The following AHCTF1 variants were observed in gnomAD, a reference collection of about 807,000 sequenced individuals.
AHCTF1 encodes protein ELYS.
Under a neutral mutation model 248.4 loss-of-function variants are expected in AHCTF1, and 24 were observed. That is an observed-to-expected ratio of 0.10 (90% CI 0.07 to 0.14). The LOEUF (loss-of-function observed/expected upper bound fraction) is 0.14. Ranked by LOEUF, AHCTF1 falls within the 10% of genes least tolerant of loss-of-function variation. The pLI, the probability that AHCTF1 is intolerant of heterozygous loss-of-function variation, is 1.00. For missense variants in AHCTF1, 2,206 were observed against 2,636.2 expected, an observed-to-expected ratio of 0.84 and a Z score of 3.57; for synonymous variants, 786 against 929.8, an observed-to-expected ratio of 0.85 and a Z score of 2.81.
intron 33 of AHCTF1, among the ~76,000 whole-genome samples, chr1:246,846,096 T>C (rs1015987068): frequency 6.7e-6 from 1 of 148,876 alleles, no homozygotes; most frequent in Non-Finnish European, 1.5e-5. Flanking sequence ...ATGAATGTCA[T>C]GTATCTAGTA....
intron 35 of AHCTF1, 32 bp downstream of exon 35, chr1:246,842,662 C>T: frequency 1.3e-6 from 2 of 1,580,056 alleles, no homozygotes; most frequent in Non-Finnish European, 1.7e-6. Flanking sequence ...CTCAATCAAT[C>T]AATCAATCAA....
rs1664226785 is a variant in AHCTF1 at position 246,891,836 on chromosome 1, T to A, written c.1888A>T (p.Asn630Tyr). The change falls in exon 15 of 36, where the codon AAT (asparagine) becomes TAT (tyrosine). Residue 630 changes from asparagine (N) to tyrosine (Y), a missense_variant. Asn to Tyr is a moderately radical substitution (Grantham distance 143). Around this residue, in one of 6 missense-constraint regions of AHCTF1, gnomAD observed 650 missense variants for 870.8 expected, o/e 0.75. Transcript: ENST00000648844. ...SIQQCYLLLS[N>Y]LNIVLSCFAS... ...AAACAGCTCAAGACTATATTAAGATTGCTAAGAAGCAAATAGCATTGCTGG... is the reference window on the plus strand; with the variant it reads ...AAACAGCTCAAGACTATATTAAGATAGCTAAGAAGCAAATAGCATTGCTGG... 6.2e-7 allele frequency: 1 copy of A among 1,608,682 alleles called. No homozygotes were observed. The highest frequency in any genetic ancestry group is 1.1e-5 in the South Asian group (1 of 90,096).
chr1:246,861,000 G>C lies in AHCTF1; in HGVS notation c.4031C>G (p.Ser1344Cys). The C allele has an allele frequency of 6.2e-7, 1 of 1,613,942 alleles. No homozygotes were observed. The highest frequency in any genetic ancestry group is 8.5e-7 in the Non-Finnish European group (1 of 1,179,866). Residue 1344 changes from serine to cysteine, a missense_variant, in exon 29 of 36, where the codon TCC becomes TGC. Physicochemically the swap from Ser to Cys is moderately radical, Grantham distance 112. Around this residue, in one of 6 missense-constraint regions of AHCTF1, gnomAD observed 955 missense variants for 1,055.6 expected, o/e 0.90. Coordinates refer to ENST00000648844, the MANE Select transcript of AHCTF1 (RefSeq NM_001323342.2). Reference sequence around the variant, plus strand: ...AGTTACATTAGTAGTTAGTGCAGTGGAAGAGCTTTTGGGCTTAGAGGCCGT... The same window carrying C: ...AGTTACATTAGTAGTTAGTGCAGTGCAAGAGCTTTTGGGCTTAGAGGCCGT... ...VFTASKPKSS[S>C]TALTTNVTEQ...
At chr1:246,922,287 G>A (rs1196155966) in intron 1 of AHCTF1, among the ~76,000 whole-genome samples, 2 of 152,206 alleles carry the variant, frequency 1.3e-5, no homozygotes, top group East Asian at 3.9e-4. Flanking sequence ...TTGAACCCAG[G>A]AGGCAGAGGT....
chr1:246,844,527 C>T (rs1242235295), intron 33 of AHCTF1, among the ~76,000 whole-genome samples: 1 of 152,020 alleles, frequency 6.6e-6, no homozygotes, highest in African/African-American at 2.4e-5. Context: ...TCAAGACTAG[C>T]CTGATCAACA....
chr1:246,864,756 C>T lies in AHCTF1; in HGVS notation c.3348-640G>A, dbSNP rs560880463. 3.3e-5 allele frequency among the ~76,000 whole-genome samples: 2 copies of T among 60,874 alleles called. 1 individual carries two copies. Among genetic ancestry groups the T allele is most frequent in the Non-Finnish European group, 4.8e-5 (2 of 41,264 alleles). 39.9% of individuals were successfully genotyped at this position (60,874 alleles called of 152,430 possible). A position where few individuals can be genotyped will look rare whatever the true frequency, so the allele number is the denominator to read the frequency against. ...TCGGGAGGCTGAGGCAGGAGAATGGCGTGAACCCGGGAAGCGGAGCTTGCA... is the reference window on the plus strand; with the variant it reads ...TCGGGAGGCTGAGGCAGGAGAATGGTGTGAACCCGGGAAGCGGAGCTTGCA... On this transcript the variant is annotated intron_variant, in intron 26 of 35. Transcript: ENST00000648844.
intron 4 of AHCTF1, among the ~76,000 whole-genome samples, chr1:246,908,939 T>C (rs1665590663): frequency 6.6e-6 from 1 of 151,110 alleles, no homozygotes; most frequent in Non-Finnish European, 1.5e-5. Flanking sequence ...ATGAAACAAT[T>C]AGCTCAAAGT....
chr1:246,856,381 C>A (rs1419710887), intron 30 of AHCTF1, among the ~76,000 whole-genome samples: 1 of 152,146 alleles, frequency 6.6e-6, no homozygotes, highest in African/African-American at 2.4e-5. Flanking sequence ...TTGAAAATTA[C>A]AACAAATAGT....
At position 246,892,025 on chromosome 1, in the gene AHCTF1, A is replaced by G; in HGVS notation, c.1805-106T>C. The G allele has an allele frequency of 5.0e-6, 6 of 1,211,482 alleles. No homozygotes were observed. In the South Asian group the frequency reaches 5.9e-5, roughly 12 times the overall value. 75.0% of individuals were successfully genotyped at this position (1,211,482 alleles called of 1,614,324 possible). On this transcript the variant is annotated intron_variant, in intron 14 of 35. Coordinates refer to ENST00000648844, the MANE Select transcript of AHCTF1 (RefSeq NM_001323342.2). ...TCCTATCACTCAAAAGAATTATTCT[A>G]TTCATTATGAGATTTATAAAGACAA...
At chr1:246,915,942 T>C (rs913782365) in intron 3 of AHCTF1, among the ~76,000 whole-genome samples, 200 bp downstream of exon 3, 2 of 152,246 alleles carry the variant, frequency 1.3e-5, no homozygotes, top group Non-Finnish European at 1.5e-5. Context: ...ACATTTTAAA[T>C]GTTAAGTTCC....
intron 13 of AHCTF1, among the ~76,000 whole-genome samples, chr1:246,894,967 C>T (rs1296326854): frequency 1.3e-5 from 2 of 151,430 alleles, no homozygotes; most frequent in African/African-American, 2.4e-5. Context: ...GTCATTTAAT[C>T]ATGAGGAGCG....
At chr1:246,898,045 G>A (rs555141999) in intron 12 of AHCTF1, among the ~76,000 whole-genome samples, 163 bp downstream of exon 12, 1 of 152,238 alleles carries the variant, frequency 6.6e-6, no homozygotes, top group South Asian at 2.1e-4. Flanking sequence ...ATTAGGAATA[G>A]GAATTTTAAA....
intron 11 of AHCTF1, among the ~76,000 whole-genome samples, 187 bp downstream of exon 11, chr1:246,899,259 CATACA>C (rs1298420667): frequency 2.0e-5 from 3 of 152,064 alleles, no homozygotes; most frequent in Non-Finnish European, 4.4e-5. Flanking sequence ...TTGCTAAAAA[CATACA>C]ATACGTCTTC....
rs1663766059 is a variant in AHCTF1, at chr1:246,885,692, A to G, written c.2473-12T>C. ...AGATCCAAACCACTCTGGAAATAAC[A>G]TGAAAAATGTTAAATATAAATATAA... On this transcript the variant is annotated splice_polypyrimidine_tract_variant and intron_variant, in intron 20 of 35. Transcript: ENST00000648844. 6.3e-6 allele frequency: 10 copies of G among 1,599,166 alleles called. No individual in the cohort carries two copies. The highest frequency in any genetic ancestry group is 8.5e-6 in the Non-Finnish European group (10 of 1,171,716).
chr1:246,898,618 CAA>C (rs1325041573), intron 11 of AHCTF1, among the ~76,000 whole-genome samples: 7 of 130,976 alleles, frequency 5.3e-5, no homozygotes, highest in African/African-American at 1.7e-4. Context: ...GACATCTTGA[CAA>C]AACACACACA....
chr1:246,916,068 A>T, intron 3 of AHCTF1, 74 bp downstream of exon 3: 1 of 1,501,560 alleles, frequency 6.7e-7, no homozygotes, highest in Non-Finnish European at 8.9e-7. Flanking sequence ...AATTTCAAAA[A>T]GTAACACACC....
In AHCTF1 at chr1:246,913,244, C is replaced by A; in HGVS notation, c.544G>T (p.Val182Phe). 1 of 1,601,252 alleles carries A rather than the reference C, an allele frequency of 6.2e-7. No individual in the cohort carries two copies. Among genetic ancestry groups the A allele is most frequent in the Non-Finnish European group, 8.5e-7 (1 of 1,172,650 alleles). Residue 182 changes from valine to phenylalanine, a missense_variant, in exon 4 of 36, where the codon GTT becomes TTT. Physicochemically the swap from Val to Phe is conservative, Grantham distance 50 (BLOSUM62 -1). This residue lies in a region of AHCTF1 where 650 missense variants were observed against 870.8 expected (regional missense o/e 0.75). Coordinates refer to ENST00000648844, the MANE Select transcript of AHCTF1 (RefSeq NM_001323342.2). ...AAGAACTGATTACCTGATGCTTCAA[C>A]TTCATTTTGATTGCATGACAAGTCA... is the stretch of plus-strand genomic sequence containing the variant. ...LDDLSCNQNE[V>F]EASDLEVLTG...
Position 246,903,955 on chromosome 1 carries a change from T to A in AHCTF1, c.960A>T (p.Leu320Phe). 1 of 1,613,398 alleles carries A rather than the reference T, an allele frequency of 6.2e-7. No homozygotes were observed. Among genetic ancestry groups the A allele is most frequent in the Non-Finnish European group, 8.5e-7 (1 of 1,179,464 alleles). ...NRKCLASGQI[L>F]YEGLEYCEER... Reference sequence around the variant, plus strand: ...TAGTCCAATGACCATTTACCTCATATAAGATTTGTCCTGATGCCAAACACT... The same window carrying A: ...TAGTCCAATGACCATTTACCTCATAAAAGATTTGTCCTGATGCCAAACACT... Residue 320 changes from leucine (L) to phenylalanine (F), a missense_variant, in exon 7 of 36, where the codon TTA (leucine) becomes TTT (phenylalanine). Transcript: ENST00000648844.
intron 24 of AHCTF1, among the ~76,000 whole-genome samples, chr1:246,869,164 A>T (rs1662352879): frequency 6.6e-6 from 1 of 152,078 alleles, no homozygotes; most frequent in Admixed American, 6.6e-5. Flanking sequence ...TTTTTTAAAC[A>T]AATTGAAGGT....
Sources: gnomAD v4.1 joint callset for allele counts (sites outside exome capture counted in the v4.1 genomes callset) on GRCh38, gnomAD v4.1.1 for gene constraint, gnomAD v4.1.1 regional missense constraint, MANE v1.5 for transcripts, NCBI Gene and HGNC (gene_info 2026-07-23, HGNC 2026-07-21) for gene names.